ARMC8: variants seen among roughly 807,000 people sequenced by gnomAD.
ARMC8 encodes the protein armadillo repeat-containing protein 8.
ARMC8 carries 20 observed loss-of-function variants against 99.3 expected under a neutral mutation model. The observed-to-expected ratio is 0.20, with a 90% confidence interval of 0.14 to 0.29. The LOEUF is 0.29. ARMC8 is among the 10% of genes least tolerant of loss of function. The pLI is 1.00. For synonymous variants in ARMC8, 263 were observed against 278.3 expected (o/e 0.95, Z 0.55); for missense variants, 569 against 809.5 (o/e 0.70, Z 3.60).
chr3:138,245,252 G>C (rs1193368620), intron 12 of ARMC8, 69 bp downstream of exon 12: 1 of 1,614,148 alleles, frequency 6.2e-7, no homozygotes, highest in Admixed American at 1.7e-5. Flanking sequence ...CAACCTGAAA[G>C]TCGTGGTGAA....
At chr3:138,232,948 A>T (rs894596999) in intron 6 of ARMC8, among the ~76,000 whole-genome samples, 1 of 152,228 alleles carries the variant, frequency 6.6e-6, no homozygotes, top group Non-Finnish European at 1.5e-5. Flanking sequence ...GTCAAAATTG[A>T]TAAGGAACTT....
intron 6 of ARMC8, among the ~76,000 whole-genome samples, chr3:138,231,961 CTTTTT>C (rs61298993): frequency 4.1e-4 from 24 of 58,626 alleles, no homozygotes; most frequent in African/African-American, 7.4e-4. Context: ...CTTGCAATTG[CTTTTT>C]TTTTTTTTTT....
chr3:138,262,596 T>C, intron 12 of ARMC8: 1 of 1,547,172 alleles, frequency 6.5e-7, no homozygotes, highest in Non-Finnish European at 8.7e-7. Context: ...CCTGAGGAGA[T>C]TAAAAAAAAA....
At chr3:138,188,478 A>C (rs1462356264) in intron 1 of ARMC8, 5 of 1,613,196 alleles carry the variant, frequency 3.1e-6, no homozygotes, top group Non-Finnish European at 4.2e-6. Flanking sequence ...AGTTACTGGG[A>C]GATAACTTCG....
intron 16 of ARMC8, among the ~76,000 whole-genome samples, 152 bp downstream of exon 16, chr3:138,270,284 A>G (rs2048666298): frequency 2.0e-5 from 3 of 152,232 alleles, no homozygotes; most frequent in Admixed American, 2.0e-4. Context: ...AGGACCTAGA[A>G]GGCTTAGTAT....
intron 14 of ARMC8, among the ~76,000 whole-genome samples, chr3:138,265,056 C>G (rs2048146059): frequency 6.6e-6 from 1 of 151,964 alleles, no homozygotes; most frequent in African/African-American, 2.4e-5. Flanking sequence ...TGCCACTATG[C>G]CTGGCTAATT....
chr3:138,214,826 G>A (rs916586337), intron 2 of ARMC8, among the ~76,000 whole-genome samples: 1 of 152,018 alleles, frequency 6.6e-6, no homozygotes, highest in Admixed American at 6.6e-5. Flanking sequence ...GCTAATTTTT[G>A]TATTTTTAGT....
chr3:138,203,034 C>G (rs1223919289), intron 1 of ARMC8, among the ~76,000 whole-genome samples: 1 of 152,190 alleles, frequency 6.6e-6, no homozygotes, highest in African/African-American at 2.4e-5. Flanking sequence ...AAGGGACAAT[C>G]AGAGCCTGTT....
At chr3:138,208,644 C>T (rs1219754713) in intron 1 of ARMC8, among the ~76,000 whole-genome samples, 2 of 152,006 alleles carry the variant, frequency 1.3e-5, no homozygotes, top group Admixed American at 6.5e-5. Flanking sequence ...GTTATTTCTT[C>T]CTCCCTATAA....
chr3:138,248,391 C>T (rs1257393835), intron 12 of ARMC8, among the ~76,000 whole-genome samples: 3 of 152,070 alleles, frequency 2.0e-5, no homozygotes, highest in Non-Finnish European at 4.4e-5. Flanking sequence ...GACAGCAATG[C>T]CAAGTAAAAA....
chr3:138,232,589 T>C (rs1471781479), intron 6 of ARMC8, among the ~76,000 whole-genome samples: 1 of 152,200 alleles, frequency 6.6e-6, no homozygotes. Context: ...TGTCTAACTA[T>C]AGGGTACTAG....
At chr3:138,277,283 A>G (rs1009221238) in intron 18 of ARMC8, among the ~76,000 whole-genome samples, 1 of 152,212 alleles carries the variant, frequency 6.6e-6, no homozygotes, top group Non-Finnish European at 1.5e-5. Context: ...CATAACATAA[A>G]AGGTAAAACT....
At chr3:138,245,457 T>TTGCATGTG in intron 12 of ARMC8, 1 of 1,355,240 alleles carries the variant, frequency 7.4e-7, no homozygotes, top group Non-Finnish European at 9.5e-7. Context: ...TTGCACATTT[T>TTGCATGTG]TGCATGTGTT....
chr3:138,294,119 T>C (rs2051247847), intron 21 of ARMC8, among the ~76,000 whole-genome samples: 1 of 152,160 alleles, frequency 6.6e-6, no homozygotes, highest in African/African-American at 2.4e-5. Context: ...CAGAAGGAGT[T>C]TGAATTTGGC....
rs180774394 is a variant in ARMC8 at position 138,264,270 on chromosome 3, G to A, written c.1299+58G>A. The A allele has an allele frequency of 3.0e-5, 41 of 1,358,986 alleles. No individual in the cohort carries two copies. The East Asian group carries it at 9.0e-4, about 30-fold the overall frequency. 84.2% of individuals were successfully genotyped at this position (1,358,986 alleles called of 1,614,324 possible). A position where few individuals can be genotyped will look rare whatever the true frequency, so the allele number is the denominator to read the frequency against. On this transcript the variant is annotated intron_variant, in intron 14 of 21. Coordinates refer to ENST00000469044, the MANE Select transcript of ARMC8 (RefSeq NM_001363941.2). Reference sequence around the variant, plus strand: ...ACTCACAGACCCTAGAGTGAGCTGAGCTAGCTAACACTACTCCCTGGTCTA... The same window carrying A: ...ACTCACAGACCCTAGAGTGAGCTGAACTAGCTAACACTACTCCCTGGTCTA...
intron 1 of ARMC8, among the ~76,000 whole-genome samples, chr3:138,196,828 T>C (rs1376214574): frequency 6.6e-6 from 1 of 152,108 alleles, no homozygotes; most frequent in Non-Finnish European, 1.5e-5. Context: ...GATCGCACCC[T>C]TGCACTCCAG....
chr3:138,253,819 G>A (rs901934045), intron 12 of ARMC8, among the ~76,000 whole-genome samples: 2 of 152,174 alleles, frequency 1.3e-5, no homozygotes, highest in Admixed American at 1.3e-4. Context: ...TTGCTATGTA[G>A]TAATTCCAGA....
intron 9 of ARMC8, chr3:138,239,160 A>C (rs2046480735): frequency 4.1e-6 from 1 of 246,306 alleles, no homozygotes. Flanking sequence ...TAAAGAATAC[A>C]ACATGTGCCC....
At chr3:138,258,571 C>T (rs1027247520) in intron 12 of ARMC8, among the ~76,000 whole-genome samples, 3 of 152,198 alleles carry the variant, frequency 2.0e-5, no homozygotes, top group African/African-American at 7.2e-5. Context: ...CCCCATGATC[C>T]TCTGGACTGA....
Sources: gnomAD v4.1 joint callset for allele counts (sites outside exome capture counted in the v4.1 genomes callset) on GRCh38, gnomAD v4.1.1 for gene constraint, MANE v1.5 for transcripts, NCBI Gene and HGNC (gene_info 2026-07-23, HGNC 2026-07-21) for gene names.